ADGRV1: variants seen among roughly 807,000 people sequenced by gnomAD.
ADGRV1 encodes the protein adhesion G protein-coupled receptor V1, also known as G-protein coupled receptor 98.
ADGRV1 carries 359 observed loss-of-function variants against 596.2 expected under a neutral mutation model. That is an observed-to-expected ratio of 0.60 (90% CI 0.55 to 0.66). The LOEUF (loss-of-function observed/expected upper bound fraction) is 0.66, where lower values mean the gene tolerates loss of function less well. ADGRV1 is among the 30% of genes least tolerant of loss of function. ADGRV1 has a pLI of 0.00. For missense variants in ADGRV1, 7,274 were observed against 7,575.6 expected (o/e 0.96, Z 1.48); for synonymous variants, 2,681 against 2,679.2 (o/e 1.00, Z -0.02).
intron 84 of ADGRV1, among the ~76,000 whole-genome samples, chr5:90,968,848 T>C (rs1178114414): frequency 6.6e-6 from 1 of 152,178 alleles, no homozygotes; most frequent in Non-Finnish European, 1.5e-5. Flanking sequence ...TTTTTAGTAA[T>C]ATAGGAGCGA....
chr5:90,838,399 A>T (rs769395990), intron 77 of ADGRV1, among the ~76,000 whole-genome samples: 44 of 151,954 alleles, frequency 2.9e-4, no homozygotes, highest in Non-Finnish European at 5.6e-4. Flanking sequence ...TAGCCAGTAA[A>T]TGTTGGGATC....
intron 35 of ADGRV1, among the ~76,000 whole-genome samples, 165 bp from the exon 36 acceptor site, chr5:90,704,224 T>C (rs527870386): frequency 3.9e-5 from 6 of 152,200 alleles, no homozygotes; most frequent in Non-Finnish European, 8.8e-5. Flanking sequence ...GGAGCTTAGG[T>C]TCCCATGTGT....
chr5:91,163,669 A>C (rs984240428), intron 89 of ADGRV1, 113 bp from the exon 90 acceptor site: 20 of 539,392 alleles, frequency 3.7e-5, no homozygotes, highest in Non-Finnish European at 5.4e-5. Context: ...TGTATGGCTT[A>C]TTTTTTACTA....
intron 1 of ADGRV1, among the ~76,000 whole-genome samples, chr5:90,605,012 T>G (rs528969538): frequency 1.3e-5 from 2 of 152,316 alleles, no homozygotes; most frequent in Non-Finnish European, 2.9e-5. Context: ...GTAGTCCAAA[T>G]ATAAACAGCT....
chr5:90,781,584 T>A lies in ADGRV1; in HGVS notation c.13231+6T>A. 6.3e-7 allele frequency: 1 copy of A among 1,593,932 alleles called. No homozygotes were observed. The highest frequency in any genetic ancestry group is 8.6e-7 in the Non-Finnish European group (1 of 1,168,256). ...AAAGTATACTGCCTTCGAAGGTAGGTTCAGTCAGCTAGCTTGTAAGTAAGT... is the reference window on the plus strand; with the variant it reads ...AAAGTATACTGCCTTCGAAGGTAGGATCAGTCAGCTAGCTTGTAAGTAAGT... On this transcript the variant is annotated splice_donor_region_variant and intron_variant, in intron 65 of 89. Transcript: ENST00000405460.
intron 37 of ADGRV1, 62 bp from the exon 38 acceptor site, chr5:90,706,168 CA>C (rs1748564136): frequency 6.8e-7 from 1 of 1,464,660 alleles, no homozygotes; most frequent in Non-Finnish European, 9.2e-7. Flanking sequence ...AAAAAATTCA[CA>C]AGGGGATATT....
chr5:90,925,038 T>C (rs1774282504), intron 83 of ADGRV1, among the ~76,000 whole-genome samples: 2 of 151,584 alleles, frequency 1.3e-5, no homozygotes, highest in African/African-American at 2.4e-5. Flanking sequence ...ACTGTAGCCT[T>C]GTGGTATAGT....
intron 85 of ADGRV1, among the ~76,000 whole-genome samples, chr5:91,061,156 G>A (rs1283002409): frequency 1.3e-5 from 2 of 152,160 alleles, no homozygotes; most frequent in Non-Finnish European, 2.9e-5. Flanking sequence ...GAATACTCTA[G>A]GACAACGATA....
chr5:90,736,456 C>A (rs1165653746), intron 50 of ADGRV1, among the ~76,000 whole-genome samples: 1 of 151,728 alleles, frequency 6.6e-6, no homozygotes, highest in Non-Finnish European at 1.5e-5. Context: ...GGGTCTTTGG[C>A]CTTTATATCA....
chr5:90,724,388 C>G (rs1367530432), intron 45 of ADGRV1, among the ~76,000 whole-genome samples: 2 of 152,054 alleles, frequency 1.3e-5, no homozygotes, highest in African/African-American at 2.4e-5. Context: ...CACCATCATG[C>G]CCAGCTGATT....
chr5:90,746,368 TC>T (rs1202829558), intron 52 of ADGRV1, among the ~76,000 whole-genome samples: 1 of 152,206 alleles, frequency 6.6e-6, no homozygotes, highest in African/African-American at 2.4e-5. Flanking sequence ...TATTTCTTTA[TC>T]AGCAAGCAAA....
Position 90,781,540 on chromosome 5 carries a change from G to A in ADGRV1, c.13193G>A (p.Gly4398Asp), listed in dbSNP as rs1260197238. ...IIIMKNDNAE[G>D]IIEFDPKYTA... ...ATAATGAAAAATGATAACGCAGAAG[G>A]CATCATTGAATTTGACCCAAAGTAT... The change falls in exon 65 of 90, where the codon GGC becomes GAC. Residue 4398 changes from glycine to aspartate, a missense_variant. By Grantham distance (94) the Gly-to-Asp change is moderately conservative. Around this residue, in one of 5 missense-constraint regions of ADGRV1, gnomAD observed 3,643 missense variants for 3,809.2 expected, o/e 0.96. Transcript: ENST00000405460. 3.7e-6 allele frequency: 6 copies of A among 1,610,578 alleles called. No homozygotes were observed. The highest frequency in any genetic ancestry group is 3.3e-5 in the Admixed American group (2 of 59,716).
At chr5:90,597,695 T>C (rs1760868686) in intron 1 of ADGRV1, among the ~76,000 whole-genome samples, 1 of 151,512 alleles carries the variant, frequency 6.6e-6, no homozygotes, top group African/African-American at 2.4e-5. Context: ...GAAGAGTGCA[T>C]TCGTGGGATG....
chr5:90,937,498 C>A (rs890868096), intron 83 of ADGRV1, among the ~76,000 whole-genome samples: 40 of 149,736 alleles, frequency 2.7e-4, no homozygotes, highest in African/African-American at 9.4e-4. Flanking sequence ...AGCTCTGTCG[C>A]CCAGGCTGGA....
chr5:91,008,812 A>G (rs1273029825), intron 85 of ADGRV1, among the ~76,000 whole-genome samples: 1 of 152,158 alleles, frequency 6.6e-6, no homozygotes, highest in Non-Finnish European at 1.5e-5. Flanking sequence ...GTATAATTTT[A>G]CATAATGGTT....
intron 85 of ADGRV1, among the ~76,000 whole-genome samples, chr5:91,029,122 A>T (rs138940584): frequency 6.6e-6 from 1 of 152,176 alleles, no homozygotes; most frequent in African/African-American, 2.4e-5. Context: ...CCTTCATATT[A>T]TGAAAGTTGG....
intron 29 of ADGRV1, among the ~76,000 whole-genome samples, chr5:90,686,907 C>A (rs568979699): frequency 0.04 from 6,047 of 152,278 alleles, 165 homozygotes; most frequent in Non-Finnish European, 0.058. Context: ...GGCTGCCATT[C>A]TAACTGGTGT....
rs780166842 is a variant in ADGRV1, at chr5:90,653,664, A to G, written c.4090A>G (p.Asn1364Asp). The G allele has an allele frequency of 4.3e-6, 7 of 1,613,386 alleles. No homozygotes were observed. Among genetic ancestry groups the G allele is most frequent in the Admixed American group, 3.3e-5 (2 of 59,854 alleles). Residue 1364 changes from asparagine (N) to aspartate (D), a missense_variant, in exon 20 of 90, where the codon AAT (asparagine) becomes GAT (aspartate). Around this residue, in one of 5 missense-constraint regions of ADGRV1, gnomAD observed 1,715 missense variants for 1,708.8 expected, o/e 1.00. Coordinates refer to ENST00000405460, the MANE Select transcript of ADGRV1 (RefSeq NM_032119.4). The part of the protein sequence containing the change: ...NFTFSAWVMP[N>D]ANTNGFIIAK... ...TACATTCTCAGCTTGGGTAATGCCCAATGCCAATACGAATGGATTCATTAT... is the reference window on the plus strand; with the variant it reads ...TACATTCTCAGCTTGGGTAATGCCCGATGCCAATACGAATGGATTCATTAT...
intron 83 of ADGRV1, among the ~76,000 whole-genome samples, chr5:90,900,595 G>A (rs1771751225): frequency 1.3e-5 from 2 of 151,920 alleles, no homozygotes; most frequent in Admixed American, 1.3e-4. Context: ...AAAAAATTTC[G>A]AGATCTCTCA....
Sources: allele counts gnomAD v4.1 joint callset (sites outside exome capture counted in the v4.1 genomes callset), GRCh38; gene constraint gnomAD v4.1.1; regional missense constraint gnomAD v4.1.1; transcripts MANE v1.5; gene names NCBI Gene and HGNC (gene_info 2026-07-23, HGNC 2026-07-21).